TXNDC9: variants seen among roughly 807,000 people sequenced by gnomAD.
TXNDC9 encodes thioredoxin domain-containing protein 9.
Under a neutral mutation model 23.0 loss-of-function variants are expected in TXNDC9, and 7 were observed. The observed-to-expected ratio is 0.30, with a 90% CI of 0.17 to 0.57. TXNDC9 has a LOEUF of 0.57. TXNDC9 is among the 20% of genes least tolerant of loss of function. The probability of loss-of-function intolerance (pLI) is 0.90; values close to 1 mark genes in which losing one functional copy is unlikely to be tolerated. For synonymous variants in TXNDC9, 72 were observed against 90.6 expected, an observed-to-expected ratio of 0.79 and a Z score of 1.17; for missense variants, 198 against 252.6, an observed-to-expected ratio of 0.78 and a Z score of 1.47.
chr2:99,328,602 T>C (rs1022649024), intron 2 of TXNDC9, among the ~76,000 whole-genome samples: 1 of 152,140 alleles, frequency 6.6e-6, no homozygotes, highest in Admixed American at 6.6e-5. Context: ...AATGTAAATA[T>C]CCACTTAACT....
chr2:99,314,494 G>A (rs2094184011), downstream of TXNDC9, among the ~76,000 whole-genome samples: 1 of 149,338 alleles, frequency 6.7e-6, no homozygotes, highest in South Asian at 2.1e-4. Flanking sequence ...AAGTGTACAG[G>A]AGAATATGTG....
At chr2:99,331,021 A>C (rs2094224252) in intron 2 of TXNDC9, among the ~76,000 whole-genome samples, 1 of 152,238 alleles carries the variant, frequency 6.6e-6, no homozygotes, top group Admixed American at 6.5e-5. Context: ...GGTTTTAATT[A>C]TATTCAGACC....
At chr2:99,308,597 G>A in the TXNDC9 span, among the ~76,000 whole-genome samples, 146 of 151,832 alleles carry the variant, frequency 9.6e-4, no homozygotes, top group Non-Finnish European at 1.9e-3. Context: ...GTGTGTGTAC[G>A]TGTGTGTGTG....
Position 99,319,743 on chromosome 2 carries a change from G to T in TXNDC9, c.620C>A (p.Thr207Lys). 1.3e-6 allele frequency: 2 copies of T among 1,597,234 alleles called. No individual in the cohort carries two copies. Among genetic ancestry groups the T allele is most frequent in the South Asian group, 1.1e-5 (1 of 87,280 alleles). The part of the protein sequence containing the change: ...QNQKKFGTNF[T>K]KLEKKTIRGK... ...TCGGATAGTTTTCTTTTCCAGCTTTGTGAAGTTTGTTCCAAATTTCTTTTG... is the reference window on the plus strand; with the variant it reads ...TCGGATAGTTTTCTTTTCCAGCTTTTTGAAGTTTGTTCCAAATTTCTTTTG... Residue 207 changes from threonine to lysine, a missense_variant, in exon 5 of 5, where the codon ACA becomes AAA. Physicochemically the swap from Thr to Lys is moderately conservative, Grantham distance 78. Transcript: ENST00000264255.
downstream of TXNDC9, among the ~76,000 whole-genome samples, chr2:99,314,529 C>CTTTTTT (rs55729391): frequency 3.0e-3 from 292 of 97,418 alleles, 56 homozygotes; most frequent in African/African-American, 6.3e-3. Flanking sequence ...AATACTACAC[C>CTTTTTT]TTTTTTTTTT....
At chr2:99,334,399 T>G (rs990423123) in intron 1 of TXNDC9, among the ~76,000 whole-genome samples, 4 of 152,192 alleles carry the variant, frequency 2.6e-5, no homozygotes, top group Admixed American at 1.3e-4. Context: ...GAATACATTC[T>G]GAGAAATGCA....
the TXNDC9 span, among the ~76,000 whole-genome samples, chr2:99,309,964 C>T: frequency 6.6e-6 from 1 of 152,034 alleles, no homozygotes; most frequent in Admixed American, 6.5e-5. Context: ...GGATTACAAG[C>T]GTGAGCCACT....
chr2:99,327,554 A>G lies in TXNDC9; in HGVS notation c.289T>C (p.Tyr97His). ...AGTTACCTGAATGTGGAGTCTCTGTAGAAATGGCAAACCACATTTTCACTC... is the reference window on the plus strand; with the variant it reads ...AGTTACCTGAATGTGGAGTCTCTGTGGAAATGGCAAACCACATTTTCACTC... ...KESENVVCHFYRDSTFRCKIL... is the reference protein window; with the variant it reads ...KESENVVCHFHRDSTFRCKIL... Residue 97 changes from tyrosine to histidine, a missense_variant, in exon 3 of 5, where the codon TAC becomes CAC. By Grantham distance (83) the Tyr-to-His change is moderately conservative. Coordinates refer to ENST00000264255, the MANE Select transcript of TXNDC9 (RefSeq NM_005783.4). 3 of 1,612,494 alleles carry G rather than the reference A, an allele frequency of 1.9e-6. No homozygotes were observed. Among genetic ancestry groups the G allele is most frequent in the Non-Finnish European group, 2.5e-6 (3 of 1,179,062 alleles).
the TXNDC9 span, chr2:99,306,776 G>T: frequency 2.2e-6 from 1 of 455,684 alleles, no homozygotes; most frequent in South Asian, 1.5e-5. Context: ...TACGGCCCTA[G>T]GGCCACCACC....
chr2:99,312,471 T>C, the TXNDC9 span, among the ~76,000 whole-genome samples: 1 of 141,946 alleles, frequency 7.0e-6, no homozygotes, highest in African/African-American at 2.7e-5. Flanking sequence ...CACTACAGCC[T>C]GGGCAACAGA....
At chr2:99,327,387 T>C (rs2094215097) in intron 3 of TXNDC9, 148 bp downstream of exon 3, 2 of 606,394 alleles carry the variant, frequency 3.3e-6, no homozygotes, top group Non-Finnish European at 5.8e-6. Context: ...CTTAACTTAA[T>C]ACTAAATAAC....
At chr2:99,315,466 A>G (rs2094187139), downstream of TXNDC9, among the ~76,000 whole-genome samples, 1 of 152,074 alleles carries the variant, frequency 6.6e-6, no homozygotes, top group African/African-American at 2.4e-5. Context: ...TGATTTGCAA[A>G]TATTTTTCCA....
the TXNDC9 span, among the ~76,000 whole-genome samples, chr2:99,312,936 G>A: frequency 6.6e-5 from 10 of 152,284 alleles, no homozygotes; most frequent in East Asian, 1.7e-3. Context: ...GCCGAGGCAG[G>A]AGGATCACCT....
Position 99,319,816 on chromosome 2 carries a change from A to G in TXNDC9, c.564-17T>C, listed in dbSNP as rs777001282. 5.0e-6 allele frequency: 7 copies of G among 1,404,796 alleles called. No homozygotes were observed. Among genetic ancestry groups the G allele is most frequent in the Admixed American group, 2.2e-5 (1 of 45,898 alleles). 87.0% of individuals were successfully genotyped at this position (1,404,796 alleles called of 1,614,324 possible). On this transcript the variant is annotated splice_polypyrimidine_tract_variant and intron_variant, in intron 4 of 4. Transcript: ENST00000264255. ...AAATTTCCACTTAAAAAAAAAAAAA[A>G]GCATTTTATTCTTTATGATTTAGTA...
intron 3 of TXNDC9, among the ~76,000 whole-genome samples, chr2:99,325,057 T>C (rs1032974083): frequency 6.6e-5 from 10 of 152,238 alleles, no homozygotes; most frequent in Non-Finnish European, 1.5e-4. Context: ...CAATCAATTT[T>C]TAAAAATCCA....
At chr2:99,327,323 C>T (rs1179763171) in intron 3 of TXNDC9, among the ~76,000 whole-genome samples, 1 of 152,200 alleles carries the variant, frequency 6.6e-6, no homozygotes. Flanking sequence ...CCACCCCCCA[C>T]TTGGCCTCCC....
At chr2:99,325,307 A>G (rs911800595) in intron 3 of TXNDC9, among the ~76,000 whole-genome samples, 5 of 152,278 alleles carry the variant, frequency 3.3e-5, no homozygotes, top group Admixed American at 2.6e-4. Flanking sequence ...GGCTTAAAAC[A>G]TGGGTTCCAA....
At chr2:99,311,721 C>T in the TXNDC9 span, among the ~76,000 whole-genome samples, 1 of 152,248 alleles carries the variant, frequency 6.6e-6, no homozygotes, top group Non-Finnish European at 1.5e-5. Flanking sequence ...CTGTCCTTGA[C>T]TTCCCAATCC....
intron 3 of TXNDC9, among the ~76,000 whole-genome samples, chr2:99,326,029 C>A (rs1354173874): frequency 8.3e-5 from 12 of 143,850 alleles, no homozygotes; most frequent in Middle Eastern, 7.0e-3. Flanking sequence ...AAAAAAACAA[C>A]AAAAAAAAAA....
Sources: gnomAD v4.1 joint callset for allele counts (sites outside exome capture counted in the v4.1 genomes callset) on GRCh38, gnomAD v4.1.1 for gene constraint, MANE v1.5 for transcripts, NCBI Gene and HGNC (gene_info 2026-07-23, HGNC 2026-07-21) for gene names.